Variants in TMCC3 observed in about 807,000 individuals in gnomAD.
The protein encoded by TMCC3 is transmembrane and coiled-coil domain family 3.
TMCC3 carries 28 observed loss-of-function variants against 40.2 expected under a neutral mutation model. The ratio of observed to expected loss-of-function variants is 0.70; its 90% CI spans 0.52 to 0.95. The LOEUF is 0.95. Among genes scored for constraint, TMCC3 ranks in the 40% least tolerant of loss-of-function variants. The pLI is 0.00. For missense variants in TMCC3, 554 were observed against 615.2 expected (o/e 0.90, Z 1.05); for synonymous variants, 255 against 248.5 (o/e 1.03, Z -0.25).
At chr12:94,613,759 T>C (rs1402239269) in intron 1 of TMCC3, 2 of 152,184 alleles carry the variant, frequency 1.3e-5, no homozygotes, top group Admixed American at 1.3e-4. Flanking sequence ...TAATGGAATA[T>C]CTTCTTTGTA....
chr12:94,640,979 C>G (rs1014524838), intron 1 of TMCC3, among the ~76,000 whole-genome samples: 6 of 152,162 alleles, frequency 3.9e-5, no homozygotes, highest in African/African-American at 9.7e-5. Flanking sequence ...GCAGGCAGAT[C>G]ACCTGAGGTC....
intron 1 of TMCC3, among the ~76,000 whole-genome samples, chr12:94,589,277 C>T (rs1356063855): frequency 1.3e-5 from 2 of 152,132 alleles, no homozygotes; most frequent in Non-Finnish European, 1.5e-5. Flanking sequence ...GATATGCCAC[C>T]CAGAATGTGC....
chr12:94,596,512 C>T (rs774458877), intron 1 of TMCC3, among the ~76,000 whole-genome samples: 6 of 152,220 alleles, frequency 3.9e-5, no homozygotes, highest in Admixed American at 6.5e-5. Flanking sequence ...CCCACCCCCA[C>T]GCCCAGCTAG....
rs116288297 is a variant in TMCC3 at position 94,619,751 on chromosome 12, A to T, written c.78+30602T>A. Among the ~76,000 whole-genome samples the T allele has an allele frequency of 3.4e-3, 511 of 152,386 alleles. 5 individuals are homozygous for T. The highest frequency in any genetic ancestry group is 0.011 in the African/African-American group (465 of 41,594). ...CAATACAGTATTACAAAGCAAAAGA[A>T]ACATGAAAAAACATCATCCTGGGAG... On this transcript the variant is annotated intron_variant, in intron 1 of 3. Transcript: ENST00000261226.
At position 94,570,052 on chromosome 12, in the gene TMCC3, A is replaced by G. The variant is rs2068517694; in HGVS notation, c.*1383T>C. The G allele has an allele frequency of 6.6e-6, 1 of 152,260 alleles. No individual in the cohort carries two copies. The highest frequency in any genetic ancestry group is 2.4e-5 in the African/African-American group (1 of 41,474). 9.4% of individuals were successfully genotyped at this position (152,260 alleles called of 1,614,324 possible). On this transcript the variant is annotated 3_prime_UTR_variant, in exon 4 of 4. Transcript: ENST00000261226. ...GTGAACTTTTGAATGTTTTCAGCTC[A>G]GAGGCAGTATGGTCGTCCTAATACC...
chr12:94,648,381 C>T (rs910495526), intron 1 of TMCC3, among the ~76,000 whole-genome samples: 7 of 152,182 alleles, frequency 4.6e-5, no homozygotes, highest in African/African-American at 1.7e-4. Flanking sequence ...CGCCCACCAC[C>T]ACGCCCGGCT....
rs1566314054 is a variant in TMCC3 at position 94,578,450 on chromosome 12, C to T, written c.1075G>A (p.Ala359Thr). Residue 359 changes from alanine to threonine, a missense_variant, in exon 3 of 4, where the codon GCC (alanine) becomes ACC (threonine). Ala to Thr is a moderately conservative substitution (Grantham distance 58). Transcript: ENST00000261226. ...HETANLKQEL[A>T]SIEEKVAYQA... ...TAGGCCACCTTCTCCTCAATGCTGG[C>T]CAGCTCCTGCTTCAGGTTGGCTGTC... The T allele has an allele frequency of 1.2e-6, 2 of 1,614,024 alleles. No individual in the cohort carries two copies. Among genetic ancestry groups the T allele is most frequent in the Admixed American group, 1.7e-5 (1 of 60,002 alleles).
chr12:94,615,961 G>A (rs887539622), intron 1 of TMCC3: 9 of 985,346 alleles, frequency 9.1e-6, no homozygotes, highest in Non-Finnish European at 9.6e-6. Context: ...GAGCAGGATC[G>A]GCAGCTAGCT....
chr12:94,603,924 A>AT (rs397816882), intron 1 of TMCC3, among the ~76,000 whole-genome samples: 1 of 151,516 alleles, frequency 6.6e-6, no homozygotes, highest in African/African-American at 2.4e-5. Context: ...AAGAAAAAAA[A>AT]CCACTTAAAT....
rs370011735 is a variant in TMCC3, at chr12:94,582,060, G to A, written c.557C>T (p.Ser186Leu). 2 of 1,614,180 alleles carry A rather than the reference G, an allele frequency of 1.2e-6. No individual in the cohort carries two copies. Among genetic ancestry groups the A allele is most frequent in the Admixed American group, 1.7e-5 (1 of 60,024 alleles). Residue 186 changes from serine (S) to leucine (L), a missense_variant, in exon 2 of 4, where the codon TCG becomes TTG. Transcript: ENST00000261226. ...AGTAAGTGAGACCCCTGGCATGCCC[G>A]ATTTGCTGCTCTCCATGCAATGGGG... Reference protein sequence around the residue: ...TAPHCMESSKSGMPGVSLTPP... With the variant: ...TAPHCMESSKLGMPGVSLTPP...
chr12:94,628,341 G>T (rs368237481), intron 1 of TMCC3, among the ~76,000 whole-genome samples: 1 of 152,122 alleles, frequency 6.6e-6, no homozygotes, highest in Admixed American at 6.5e-5. Flanking sequence ...TAAAAAACCC[G>T]CCTGGAGGCT....
At chr12:94,597,809 AAAAT>A (rs983102540) in intron 1 of TMCC3, among the ~76,000 whole-genome samples, 4 of 152,104 alleles carry the variant, frequency 2.6e-5, no homozygotes, top group African/African-American at 7.2e-5. Flanking sequence ...TCTGTCTCAA[AAAAT>A]AAATAAATAA....
intron 1 of TMCC3, chr12:94,616,214 C>T: frequency 4.0e-6 from 2 of 496,704 alleles, no homozygotes; most frequent in Non-Finnish European, 5.2e-6. Flanking sequence ...CAGAAGAGAT[C>T]CACATTCTAT....
intron 1 of TMCC3, among the ~76,000 whole-genome samples, chr12:94,645,225 T>C (rs2069011624): frequency 2.6e-5 from 4 of 152,228 alleles, no homozygotes; most frequent in African/African-American, 9.6e-5. Flanking sequence ...TATAAATACA[T>C]GTAAGCATTA....
At chr12:94,624,647 G>C (rs12823023) in intron 1 of TMCC3, among the ~76,000 whole-genome samples, 1 of 151,816 alleles carries the variant, frequency 6.6e-6, no homozygotes, top group Non-Finnish European at 1.5e-5. Context: ...CTGGGAGGCA[G>C]AGGTTGCAGT....
At chr12:94,618,036 A>G (rs2068856587) in intron 1 of TMCC3, among the ~76,000 whole-genome samples, 1 of 152,246 alleles carries the variant, frequency 6.6e-6, no homozygotes, top group Non-Finnish European at 1.5e-5. Context: ...TCCGTATATG[A>G]GACGTATATA....
At chr12:94,593,429 A>AG (rs2068694628) in intron 1 of TMCC3, among the ~76,000 whole-genome samples, 2 of 107,988 alleles carry the variant, frequency 1.9e-5, no homozygotes, top group African/African-American at 6.9e-5. Flanking sequence ...AGAAGGAAGA[A>AG]GAAGGAGAAG....
At chr12:94,642,350 G>A (rs1278982118) in intron 1 of TMCC3, among the ~76,000 whole-genome samples, 2 of 152,140 alleles carry the variant, frequency 1.3e-5, no homozygotes, top group Non-Finnish European at 1.5e-5. Flanking sequence ...TTCTACCATG[G>A]TAAAACCTTG....
chr12:94,577,901 C>A (rs1266375032), intron 3 of TMCC3, among the ~76,000 whole-genome samples: 1 of 151,818 alleles, frequency 6.6e-6, no homozygotes, highest in Admixed American at 6.6e-5. Context: ...AATCCCAGCA[C>A]TTTGGGAGGC....
Sources: gnomAD v4.1 joint callset for allele counts (sites outside exome capture counted in the v4.1 genomes callset) on GRCh38, gnomAD v4.1.1 for gene constraint, MANE v1.5 for transcripts, NCBI Gene and HGNC (gene_info 2026-07-23, HGNC 2026-07-21) for gene names.